Variants in ZNF536 observed in about 807,000 individuals in gnomAD.
The protein encoded by ZNF536 is zinc finger protein 536.
Under a neutral mutation model 84.5 loss-of-function variants are expected in ZNF536, and 13 were observed. The observed-to-expected ratio is 0.15, with a 90% confidence interval of 0.10 to 0.24. The LOEUF (loss-of-function observed/expected upper bound fraction) is 0.24, where lower values mean the gene tolerates loss of function less well. Ranked by LOEUF, ZNF536 falls within the 10% of genes least tolerant of loss-of-function variation. The pLI is 1.00. For missense variants in ZNF536, 1,536 were observed against 1,747.5 expected (o/e 0.88, Z 2.16); for synonymous variants, 811 against 742.5 (o/e 1.09, Z -1.50).
chr19:30,460,630 G>GACACC (rs898592588), intron 2 of ZNF536, among the ~76,000 whole-genome samples: 2 of 152,128 alleles, frequency 1.3e-5, no homozygotes, highest in African/African-American at 4.8e-5. Flanking sequence ...AGTGACAATG[G>GACACC]ACACCAGCAA....
chr19:30,501,804 A>T (rs568971935), intron 2 of ZNF536, among the ~76,000 whole-genome samples: 1 of 152,212 alleles, frequency 6.6e-6, no homozygotes, highest in Non-Finnish European at 1.5e-5. Context: ...TTCATGCCTG[A>T]GGTTGCAATT....
At chr19:30,608,466 C>T (rs186428367) in intron 1 of ZNF536, among the ~76,000 whole-genome samples, 53 of 152,222 alleles carry the variant, frequency 3.5e-4, no homozygotes, top group African/African-American at 1.1e-3. Context: ...TTTCTGGACA[C>T]GAATCCACCA....
At chr19:30,563,379 TG>T (rs2046240818) in intron 1 of ZNF536, among the ~76,000 whole-genome samples, 1 of 152,196 alleles carries the variant, frequency 6.6e-6, no homozygotes, top group African/African-American at 2.4e-5. Context: ...CCAACTGAGC[TG>T]TTTTCACTGT....
intron 2 of ZNF536, among the ~76,000 whole-genome samples, chr19:30,523,895 C>A (rs1439718491): frequency 6.6e-6 from 1 of 152,208 alleles, no homozygotes; most frequent in Non-Finnish European, 1.5e-5. Flanking sequence ...TTTTTAGTTT[C>A]TTTCAATGTG....
chr19:30,535,109 G>C (rs79174610), intron 3 of ZNF536, 110 bp downstream of exon 3: 2 of 1,312,054 alleles, frequency 1.5e-6, no homozygotes, highest in Non-Finnish European at 1.0e-6. Flanking sequence ...ACTCTGGAAG[G>C]TTCTCCCTGG....
intron 1 of ZNF536, among the ~76,000 whole-genome samples, chr19:30,601,216 A>G (rs151010374): frequency 2.0e-5 from 3 of 152,340 alleles, no homozygotes; most frequent in African/African-American, 4.8e-5. Context: ...AAAGTGATTT[A>G]CCTATGACCA....
intron 2 of ZNF536, among the ~76,000 whole-genome samples, chr19:30,288,243 G>A (rs1288484075): frequency 6.6e-6 from 1 of 152,218 alleles, no homozygotes; most frequent in Non-Finnish European, 1.5e-5. Flanking sequence ...CCACGTGACT[G>A]GATGTCCGTC....
chr19:30,507,305 C>G (rs935979275), intron 2 of ZNF536, among the ~76,000 whole-genome samples: 3 of 151,842 alleles, frequency 2.0e-5, no homozygotes, highest in African/African-American at 7.3e-5. Context: ...GAGCCGAGAT[C>G]CCACCACTGC....
chr19:30,561,105 CTGT>C (rs1269084846), downstream of ZNF536, among the ~76,000 whole-genome samples: 2 of 152,322 alleles, frequency 1.3e-5, no homozygotes, highest in East Asian at 1.9e-4. Context: ...TTTTGAACTT[CTGT>C]TGTTGTCAAA....
At chr19:30,588,289 C>T (rs1042040558) in intron 1 of ZNF536, among the ~76,000 whole-genome samples, 2 of 152,226 alleles carry the variant, frequency 1.3e-5, no homozygotes, top group Non-Finnish European at 2.9e-5. Flanking sequence ...AGGTACAGCC[C>T]TGAGCCCAGA....
chr19:30,449,690 G>C (rs2052510105), intron 2 of ZNF536, among the ~76,000 whole-genome samples: 1 of 152,172 alleles, frequency 6.6e-6, no homozygotes, highest in Admixed American at 6.5e-5. Context: ...AAGCCAGGGA[G>C]AGATGCGAAG....
At chr19:30,312,662 T>C (rs945212836) in intron 2 of ZNF536, among the ~76,000 whole-genome samples, 3 of 152,216 alleles carry the variant, frequency 2.0e-5, no homozygotes, top group Non-Finnish European at 4.4e-5. Context: ...CCAGAACCCA[T>C]CTGAAGGAGG....
At chr19:30,611,510 C>T (rs1484423083) in intron 1 of ZNF536, among the ~76,000 whole-genome samples, 1 of 152,172 alleles carries the variant, frequency 6.6e-6, no homozygotes, top group East Asian at 1.9e-4. Context: ...GTTCACTTAC[C>T]ACATAATCCT....
chr19:30,366,228 T>G (rs1447477647), intron 3 of ZNF536, among the ~76,000 whole-genome samples: 1 of 152,238 alleles, frequency 6.6e-6, no homozygotes, highest in Non-Finnish European at 1.5e-5. Context: ...CAATGCTTTC[T>G]GGCTCTGTCA....
rs538608002 is a variant in ZNF536, at chr19:30,507,190, C to T, written c.2171-27657C>T. On this transcript the variant is annotated intron_variant, in intron 2 of 4. Coordinates refer to ENST00000355537, the MANE Select transcript of ZNF536 (RefSeq NM_014717.3). ...CAGCCTGGCCAATATGGCAAAACCCCGTCTCTACTAAAAATACAAAAATTC... is the reference window on the plus strand; with the variant it reads ...CAGCCTGGCCAATATGGCAAAACCCTGTCTCTACTAAAAATACAAAAATTC... 6.0e-4 allele frequency among the ~76,000 whole-genome samples: 92 copies of T among 152,204 alleles called. 2 individuals are homozygous for T. The highest frequency in any genetic ancestry group is 2.1e-3 in the African/African-American group (87 of 41,518).
intron 1 of ZNF536, among the ~76,000 whole-genome samples, chr19:30,270,861 G>A (rs1272084699): frequency 6.6e-6 from 1 of 151,704 alleles, no homozygotes; most frequent in Non-Finnish European, 1.5e-5. Context: ...GTATACAGTC[G>A]GTTAAGGTTG....
chr19:30,429,065 G>T (rs1158729972), intron 1 of ZNF536, among the ~76,000 whole-genome samples: 1 of 152,192 alleles, frequency 6.6e-6, no homozygotes, highest in Non-Finnish European at 1.5e-5. Context: ...GACCATGCAG[G>T]TGTGGTTTAA....
intron 1 of ZNF536, among the ~76,000 whole-genome samples, chr19:30,233,633 G>A (rs573466060): frequency 7.2e-5 from 11 of 152,174 alleles, no homozygotes; most frequent in Admixed American, 5.9e-4. Context: ...CAGGCATGAG[G>A]CAGTGCACCT....
chr19:30,410,360 A>G (rs1257795284), intron 1 of ZNF536, among the ~76,000 whole-genome samples: 3 of 152,108 alleles, frequency 2.0e-5, no homozygotes, highest in South Asian at 4.1e-4. Flanking sequence ...CAACTGATAT[A>G]TAAGATATAT....
Sources: gnomAD v4.1 joint callset for allele counts (sites outside exome capture counted in the v4.1 genomes callset) on GRCh38, gnomAD v4.1.1 for gene constraint, MANE v1.5 for transcripts, NCBI Gene and HGNC (gene_info 2026-07-23, HGNC 2026-07-21) for gene names.